The following PPP1R12B variants were observed in gnomAD, a reference collection of about 807,000 sequenced individuals.
PPP1R12B encodes protein phosphatase 1 regulatory subunit 12B, also known as myosin phosphatase target subunit 2.
In PPP1R12B, 76 loss-of-function variants were observed where a neutral mutation model predicts 126.1. The observed-to-expected ratio is 0.60, with a 90% confidence interval of 0.50 to 0.73. The LOEUF (loss-of-function observed/expected upper bound fraction) is 0.73. PPP1R12B is among the 30% of genes least tolerant of loss of function. The pLI is 0.00. For missense variants in PPP1R12B, 1,052 were observed against 1,205.1 expected (o/e 0.87, Z 1.88); for synonymous variants, 356 against 434.7 (o/e 0.82, Z 2.25).
At chr1:202,379,707 A>G (rs1481910202) in intron 1 of PPP1R12B, among the ~76,000 whole-genome samples, 1 of 152,244 alleles carries the variant, frequency 6.6e-6, no homozygotes, top group Non-Finnish European at 1.5e-5. Flanking sequence ...TATTTCTAAT[A>G]GTACCTTGTT....
intron 1 of PPP1R12B, among the ~76,000 whole-genome samples, chr1:202,408,098 T>C (rs1295193557): frequency 6.6e-5 from 10 of 152,186 alleles, no homozygotes; most frequent in Admixed American, 6.5e-4. Context: ...TGGATTTTGG[T>C]ATCTGCAGGG....
chr1:202,383,741 T>C (rs1365593177), intron 1 of PPP1R12B, among the ~76,000 whole-genome samples: 1 of 152,072 alleles, frequency 6.6e-6, no homozygotes, highest in Non-Finnish European at 1.5e-5. Context: ...AAGAAAAAGA[T>C]ATAATCTAAA....
At chr1:202,370,947 G>A (rs924901193) in intron 1 of PPP1R12B, among the ~76,000 whole-genome samples, 1 of 145,038 alleles carries the variant, frequency 6.9e-6, no homozygotes, top group Non-Finnish European at 1.5e-5. Flanking sequence ...CCACATCTTT[G>A]TTGATATCTG....
intron 13 of PPP1R12B, among the ~76,000 whole-genome samples, chr1:202,465,190 C>T (rs2148769318): frequency 6.6e-6 from 1 of 152,264 alleles, no homozygotes; most frequent in Non-Finnish European, 1.5e-5. Flanking sequence ...TGTCCACAGT[C>T]ACAGAATTTG....
At chr1:202,529,978 A>C (rs1683757116) in intron 18 of PPP1R12B, among the ~76,000 whole-genome samples, 1 of 152,294 alleles carries the variant, frequency 6.6e-6, no homozygotes, top group South Asian at 2.1e-4. Flanking sequence ...TCTTAACTGT[A>C]CTAAATATTT....
intron 1 of PPP1R12B, among the ~76,000 whole-genome samples, chr1:202,374,014 A>C (rs892552418): frequency 1.3e-5 from 2 of 152,210 alleles, no homozygotes; most frequent in African/African-American, 4.8e-5. Context: ...GGGAAATTTA[A>C]AAGGATTATT....
In PPP1R12B at chr1:202,582,140, A is replaced by T. The variant is rs532930317; in HGVS notation, c.*1580A>T. On this transcript the variant is annotated 3_prime_UTR_variant, in exon 24 of 24. Coordinates refer to ENST00000608999, the MANE Select transcript of PPP1R12B (RefSeq NM_002481.4). ...ATCTGCAACTCTTTAACGGCACTTG[A>T]GATATGTGCAGTGGGTGGTCTCCCC... is the stretch of plus-strand genomic sequence containing the variant. 1.3e-5 allele frequency: 2 copies of T among 152,084 alleles called. No individual in the cohort carries two copies. Among genetic ancestry groups the T allele is most frequent in the Non-Finnish European group, 2.9e-5 (2 of 68,020 alleles). The allele number at this position is 152,084 out of a possible 1,614,324, so 9.4% of individuals were successfully genotyped here. A position where few individuals can be genotyped will look rare whatever the true frequency, so the allele number is the denominator to read the frequency against.
chr1:202,562,705 C>T (rs1687653616), intron 19 of PPP1R12B, 73 bp from the exon 20 acceptor site: 11 of 1,484,948 alleles, frequency 7.4e-6, no homozygotes, highest in Non-Finnish European at 8.5e-6. Context: ...GCGCAAACTA[C>T]CCCTGAGCAT....
intron 18 of PPP1R12B, among the ~76,000 whole-genome samples, chr1:202,536,700 T>C (rs773295798): frequency 3.9e-5 from 6 of 152,248 alleles, no homozygotes; most frequent in African/African-American, 7.2e-5. Flanking sequence ...GCAGTAATAC[T>C]TAGCTTAAAA....
At chr1:202,363,504 A>G (rs1269837284) in intron 1 of PPP1R12B, among the ~76,000 whole-genome samples, 1 of 152,164 alleles carries the variant, frequency 6.6e-6, no homozygotes, top group East Asian at 1.9e-4. Flanking sequence ...TTTCCAAATC[A>G]TTAATCGTTT....
chr1:202,535,354 T>TA (rs1010536722), intron 18 of PPP1R12B, among the ~76,000 whole-genome samples: 1 of 151,974 alleles, frequency 6.6e-6, no homozygotes. Flanking sequence ...TTTTTTAATT[T>TA]AAAAAAATAA....
At chr1:202,552,062 GATA>G (rs1686386217) in intron 18 of PPP1R12B, among the ~76,000 whole-genome samples, 1 of 152,204 alleles carries the variant, frequency 6.6e-6, no homozygotes, top group African/African-American at 2.4e-5. Context: ...AAAACTGTGA[GATA>G]ATAAATGGTT....
At chr1:202,446,075 G>A (rs1672192585) in intron 12 of PPP1R12B, among the ~76,000 whole-genome samples, 1 of 151,510 alleles carries the variant, frequency 6.6e-6, no homozygotes, top group Non-Finnish European at 1.5e-5. Context: ...GTTTATGATG[G>A]ATTATTAATA....
intron 1 of PPP1R12B, among the ~76,000 whole-genome samples, chr1:202,385,832 G>T (rs1483987881): frequency 1.3e-5 from 2 of 152,036 alleles, no homozygotes. Flanking sequence ...TTTTTAGTAA[G>T]GATTTTATTC....
chr1:202,538,857 TG>T (rs1684820454), intron 18 of PPP1R12B, among the ~76,000 whole-genome samples: 2 of 152,372 alleles, frequency 1.3e-5, no homozygotes, highest in Middle Eastern at 3.4e-3. Context: ...ATTGCACTAC[TG>T]TCTGTTTTCT....
chr1:202,475,969 C>A (rs1360277332), intron 13 of PPP1R12B, among the ~76,000 whole-genome samples: 2 of 152,010 alleles, frequency 1.3e-5, no homozygotes, highest in Non-Finnish European at 2.9e-5. Flanking sequence ...AGAGGCTGAG[C>A]CGGGCAGATC....
In PPP1R12B at chr1:202,493,198, G is replaced by T. The variant is rs780277504; in HGVS notation, c.2026G>T (p.Glu676Ter). The T allele has an allele frequency of 6.2e-7, 1 of 1,612,744 alleles. No homozygotes were observed. The change falls in exon 15 of 24, where the codon GAG (glutamate) becomes TAG (stop). Residue 676 changes from glutamate (E) to a stop codon, truncating the protein, a stop_gained. Transcript: ENST00000608999. LOFTEE classifies it high-confidence loss of function. ...GAGGCAAGCTCAGGAGCAGCCTCGTGAGAAGCCCACAGACACTGAAGGGCT... is the reference window on the plus strand; with the variant it reads ...GAGGCAAGCTCAGGAGCAGCCTCGTTAGAAGCCCACAGACACTGAAGGGCT... ...AERQAQEQPR[E>*]KPTDTEGLEG...
At chr1:202,432,270 GCTT>G (rs1403138330) in intron 8 of PPP1R12B, among the ~76,000 whole-genome samples, 3 of 151,652 alleles carry the variant, frequency 2.0e-5, no homozygotes, top group East Asian at 3.9e-4. Context: ...CTCATATAGG[GCTT>G]CTTTTTTTTT....
At chr1:202,490,893 T>G (rs1678775091) in intron 14 of PPP1R12B, among the ~76,000 whole-genome samples, 1 of 152,216 alleles carries the variant, frequency 6.6e-6, no homozygotes, top group African/African-American at 2.4e-5. Flanking sequence ...GCTTCCACCT[T>G]TTGGCTGTTT....
Sources: allele counts gnomAD v4.1 joint callset (sites outside exome capture counted in the v4.1 genomes callset), GRCh38; gene constraint gnomAD v4.1.1; transcripts MANE v1.5; gene names NCBI Gene and HGNC (gene_info 2026-07-23, HGNC 2026-07-21).